TEX11: variants seen among roughly 807,000 people sequenced by gnomAD.
TEX11 encodes the protein testis expressed 11.
TEX11 carries 7 observed loss-of-function variants against 84.4 expected under a neutral mutation model. That is an observed-to-expected ratio of 0.08 (90% CI 0.05 to 0.16). The LOEUF (loss-of-function observed/expected upper bound fraction) is 0.16, where lower values mean the gene tolerates loss of function less well. Among genes scored for constraint, TEX11 ranks in the 10% least tolerant of loss-of-function variants. The pLI, the probability that TEX11 is intolerant of heterozygous loss-of-function variation, is 1.00. For missense variants in TEX11, 551 were observed against 660.5 expected (o/e 0.83, Z 1.82); for synonymous variants, 264 against 222.8 (o/e 1.18, Z -1.64).
Position 70,858,316 on chromosome X carries a change from C to G in TEX11, c.324+2541G>C, listed in dbSNP as rs76263536. On this transcript the variant is annotated intron_variant, in intron 5 of 29. Transcript: ENST00000374333. ...TACAAAAATTAGCCGGGTGCAGTGG[C>G]CTGTAATCCCAGCTTCTCAGGAGGC... 5.6e-5 allele frequency among the ~76,000 whole-genome samples: 6 copies of G among 107,790 alleles called. No homozygotes were observed. In the East Asian group the frequency reaches 1.8e-3, roughly 32 times the overall value. 93.6% of individuals were successfully genotyped at this position (107,790 alleles called of 115,157 possible). A position where few individuals can be genotyped will look rare whatever the true frequency, so the allele number is the denominator to read the frequency against.
chrX:70,894,695 C>T (rs1236964264), intron 2 of TEX11, among the ~76,000 whole-genome samples: 1 of 110,823 alleles, frequency 9.0e-6, no homozygotes, highest in East Asian at 2.8e-4. Context: ...ACGATCAAGT[C>T]GGCTTCATCC....
intron 1 of TEX11, among the ~76,000 whole-genome samples, chrX:70,908,424 G>A (rs772486823): frequency 7.2e-5 from 8 of 111,425 alleles, no homozygotes; most frequent in Non-Finnish European, 1.5e-4. Context: ...GTTTTCAGTG[G>A]CCCACCACCG....
chrX:70,740,738 T>C lies in TEX11; in HGVS notation c.806A>G (p.Tyr269Cys), dbSNP rs1479630994. The change falls in exon 11 of 30, where the codon TAT becomes TGT. Residue 269 changes from tyrosine (Y) to cysteine (C), a missense_variant. Physicochemically the swap from Tyr to Cys is radical, Grantham distance 194 (BLOSUM62 -2). Coordinates refer to ENST00000374333, the MANE Select transcript of TEX11 (RefSeq NM_031276.3). Reference protein sequence around the residue: ...NYLDWDDTKYYDKALNAVNLA... With the variant: ...NYLDWDDTKYCDKALNAVNLA... ...GTTTACAGCATTGAGAGCCTTATCA[T>C]AATATTTGGTGTCATCCCAATCCAA... The C allele has an allele frequency of 1.7e-6, 2 of 1,200,218 alleles. No individual in the cohort carries two copies. The highest frequency in any genetic ancestry group is 2.4e-4 in the Middle Eastern group (1 of 4,246).
intron 13 of TEX11, among the ~76,000 whole-genome samples, chrX:70,708,383 GT>G (rs1452730530): frequency 8.9e-6 from 1 of 111,935 alleles, no homozygotes; most frequent in Admixed American, 9.4e-5. Flanking sequence ...GTGGAAAGCA[GT>G]TTGGAGATTC....
At chrX:70,675,302 T>C (rs1175788179) in intron 15 of TEX11, among the ~76,000 whole-genome samples, 1 of 112,299 alleles carries the variant, frequency 8.9e-6, no homozygotes, top group African/African-American at 3.2e-5. Flanking sequence ...TCAGAGGACT[T>C]CCTTGTAATG....
At chrX:70,715,912 C>T (rs1364416079) in intron 13 of TEX11, among the ~76,000 whole-genome samples, 2 of 111,903 alleles carry the variant, frequency 1.8e-5, no homozygotes, top group Non-Finnish European at 3.8e-5. Flanking sequence ...TTTTCCCCAT[C>T]TTTGTGGTTT....
intron 2 of TEX11, among the ~76,000 whole-genome samples, chrX:70,896,303 T>C (rs1234676874): frequency 8.9e-6 from 1 of 112,171 alleles, no homozygotes; most frequent in Admixed American, 9.5e-5. Context: ...GAAATGCAAA[T>C]GAAAACCACA....
intron 7 of TEX11, among the ~76,000 whole-genome samples, chrX:70,839,409 A>G (rs1478101161): frequency 8.9e-6 from 1 of 112,242 alleles, no homozygotes; most frequent in Non-Finnish European, 1.9e-5. Flanking sequence ...GCAAACTCCA[A>G]CAGACCTGCA....
chrX:70,617,078 GATT>G (rs1174452872), intron 20 of TEX11, among the ~76,000 whole-genome samples: 1 of 110,707 alleles, frequency 9.0e-6, no homozygotes, highest in Non-Finnish European at 1.9e-5. Flanking sequence ...ACCCTGAAGT[GATT>G]ATTACACATT....
At chrX:70,721,537 A>T (rs1377569968) in intron 13 of TEX11, among the ~76,000 whole-genome samples, 1 of 112,221 alleles carries the variant, frequency 8.9e-6, no homozygotes, top group Non-Finnish European at 1.9e-5. Flanking sequence ...TACACTAAAA[A>T]GTATCAATTA....
intron 8 of TEX11, among the ~76,000 whole-genome samples, chrX:70,812,262 T>G (rs910294835): frequency 5.5e-4 from 60 of 109,561 alleles, no homozygotes; most frequent in African/African-American, 1.9e-3. Flanking sequence ...TAGATTACAG[T>G]GGCGCACGAT....
chrX:70,865,367 A>C (rs1401576059), intron 4 of TEX11, among the ~76,000 whole-genome samples: 1 of 112,005 alleles, frequency 8.9e-6, no homozygotes, highest in Non-Finnish European at 1.9e-5. Flanking sequence ...ATATGCACCC[A>C]ATACAGGGGC....
chrX:70,535,741 C>A (rs761353207), intron 28 of TEX11, among the ~76,000 whole-genome samples: 1 of 109,065 alleles, frequency 9.2e-6, no homozygotes, highest in African/African-American at 3.3e-5. Context: ...GAGTGAAACT[C>A]CATTTCAAAA....
intron 3 of TEX11, 99 bp from the exon 4 acceptor site, chrX:70,873,406 G>A: frequency 1.7e-6 from 1 of 582,844 alleles, no homozygotes; most frequent in Non-Finnish European, 2.8e-6. Flanking sequence ...ACTATTGTGG[G>A]TCATTTCCAG....
chrX:70,595,041 A>G (rs963883706), intron 24 of TEX11, among the ~76,000 whole-genome samples: 1 of 112,000 alleles, frequency 8.9e-6, no homozygotes, highest in African/African-American at 3.2e-5. Context: ...AAGGTAAGTA[A>G]GATGCTTAAT....
At chrX:70,681,290 ATAT>A (rs1220810546) in intron 14 of TEX11, among the ~76,000 whole-genome samples, 1 of 112,580 alleles carries the variant, frequency 8.9e-6, no homozygotes, top group East Asian at 2.8e-4. Flanking sequence ...TCTACTTGAA[ATAT>A]TATAATACTT....
At position 70,693,598 on chromosome X, in the gene TEX11, G is replaced by C. The variant is rs1343319395; in HGVS notation, c.1005-10773C>G. ...AACAAGGTAGAATGGTGGTCACCAA[G>C]GGCAGTAGTGGCAGGGCTGGGGTGA... On this transcript the variant is annotated intron_variant, in intron 13 of 29. Transcript: ENST00000374333. 7.2e-5 allele frequency among the ~76,000 whole-genome samples: 8 copies of C among 111,533 alleles called. No individual in the cohort carries two copies. The Admixed American group carries it at 7.6e-4, about 11-fold the overall frequency.
intron 7 of TEX11, among the ~76,000 whole-genome samples, chrX:70,833,969 T>G (rs1234268689): frequency 1.8e-5 from 2 of 111,564 alleles, no homozygotes; most frequent in African/African-American, 3.3e-5. Context: ...AGTCTTTGTC[T>G]TAAAGCAAGA....
intron 9 of TEX11, among the ~76,000 whole-genome samples, chrX:70,750,933 A>AAAAAAAAAATATATATATAT (rs1390175136): frequency 7.1e-5 from 2 of 28,198 alleles, no homozygotes; most frequent in African/African-American, 1.2e-4. Flanking sequence ...AAAAAAAAAA[A>AAAAAAAAAATATATATATAT]ATATATATAT....
Sources: gnomAD v4.1 joint callset for allele counts (sites outside exome capture counted in the v4.1 genomes callset) on GRCh38, gnomAD v4.1.1 for gene constraint, MANE v1.5 for transcripts, NCBI Gene and HGNC (gene_info 2026-07-23, HGNC 2026-07-21) for gene names.